BCL11B: variants seen among roughly 807,000 people sequenced by gnomAD.
The protein encoded by BCL11B is BCL11 transcription factor B, also known as B-cell lymphoma/leukemia 11B.
Under a neutral mutation model 49.9 loss-of-function variants are expected in BCL11B, and 8 were observed. The ratio of observed to expected loss-of-function variants is 0.16; its 90% CI spans 0.09 to 0.29. The LOEUF is 0.29. Ranked by LOEUF, BCL11B falls within the 10% of genes least tolerant of loss-of-function variation. BCL11B has a pLI of 1.00. For synonymous variants in BCL11B, 739 were observed against 637.4 expected (o/e 1.16, Z -2.40); for missense variants, 1,006 against 1,351.0 (o/e 0.74, Z 4.00).
At position 99,241,167 on chromosome 14, in the gene BCL11B, T is replaced by C. The variant is rs1335567643; in HGVS notation, c.428-9610A>G. Among the ~76,000 whole-genome samples, 2 of 152,110 alleles carry C rather than the reference T, an allele frequency of 1.3e-5. No homozygotes were observed. Among genetic ancestry groups the C allele is most frequent in the Non-Finnish European group, 2.9e-5 (2 of 68,010 alleles). Reference sequence around the variant, plus strand: ...CAGTATTTATATGCCACTTACTTGGTTTTGAAACTGTTTTTTTATTATTTT... The same window carrying C: ...CAGTATTTATATGCCACTTACTTGGCTTTGAAACTGTTTTTTTATTATTTT... On this transcript the variant is annotated intron_variant, in intron 2 of 3. Coordinates refer to ENST00000357195, the MANE Select transcript of BCL11B (RefSeq NM_138576.4). The surrounding 1 kb of genome is among the most constrained non-coding windows in gnomAD (Gnocchi z 4.4).
Position 99,192,001 on chromosome 14 carries a change from C to G in BCL11B, c.641-15806G>C. Among the ~76,000 whole-genome samples the G allele has an allele frequency of 6.6e-6, 1 of 152,058 alleles. No homozygotes were observed. Among genetic ancestry groups the G allele is most frequent in the Non-Finnish European group, 1.5e-5 (1 of 68,014 alleles). On this transcript the variant is annotated intron_variant, in intron 3 of 3. Transcript: ENST00000357195. This position sits in a 1 kb window ranked among gnomAD's most constrained non-coding sequence, Gnocchi z 4.0. Reference sequence around the variant, plus strand: ...AAGTGATTTTTTTAAAAAACACGATCCAGAGAGATTACATAAAAAGTACAA... The same window carrying G: ...AAGTGATTTTTTTAAAAAACACGATGCAGAGAGATTACATAAAAAGTACAA...
chr14:99,240,354 T>C (rs1206177615), intron 2 of BCL11B, among the ~76,000 whole-genome samples: 1 of 152,244 alleles, frequency 6.6e-6, no homozygotes, highest in East Asian at 1.9e-4. Context: ...ATTTTGTTTA[T>C]GACTAAATCT....
At chr14:99,244,506 C>T (rs1152790) in intron 2 of BCL11B, among the ~76,000 whole-genome samples, 86,840 of 152,018 alleles carry the variant, frequency 0.57, 25,467 homozygotes, top group East Asian at 0.83. Flanking sequence ...GAGTGCTGGA[C>T]TGTGATCTTT....
intron 3 of BCL11B, among the ~76,000 whole-genome samples, chr14:99,190,909 G>GGGC (rs1555377600): frequency 2.6e-5 from 4 of 151,976 alleles, no homozygotes; most frequent in African/African-American, 9.7e-5. Context: ...CGGCCACACG[G>GGGC]GGGGGGTCAC....
rs150119611 is a variant in BCL11B at position 99,271,456 on chromosome 14, AAG to A, written c.-240_-239del. ...TGCTGTTTTTTGTTTTGTTTGCAAA[AAG>A]AAAAAAAAGGGAAGAAAAGCAAGAA... On this transcript the variant is annotated 5_prime_UTR_variant, in exon 1 of 4. Coordinates refer to ENST00000357195, the MANE Select transcript of BCL11B (RefSeq NM_138576.4). 7.7e-3 allele frequency: 1,928 copies of A among 249,424 alleles called. 49 individuals are homozygous for A. The highest frequency in any genetic ancestry group is 0.04 in the African/African-American group (1,800 of 45,114). The allele number at this position is 249,424 out of a possible 1,614,324, so 15.5% of individuals were successfully genotyped here. A position where few individuals can be genotyped will look rare whatever the true frequency, so the allele number is the denominator to read the frequency against.
intron 3 of BCL11B, among the ~76,000 whole-genome samples, chr14:99,198,934 G>A (rs1437935844): frequency 3.3e-5 from 5 of 152,116 alleles, no homozygotes; most frequent in South Asian, 2.1e-4. Context: ...CCCCAGCCCC[G>A]TGACACACCA....
intron 3 of BCL11B, among the ~76,000 whole-genome samples, chr14:99,188,154 C>T (rs1886912009): frequency 6.6e-6 from 1 of 152,188 alleles, no homozygotes; most frequent in South Asian, 2.1e-4. Context: ...AAATTTGTCT[C>T]ATTTGTCTCT....
At chr14:99,196,613 T>C (rs1887186567) in intron 3 of BCL11B, among the ~76,000 whole-genome samples, 2 of 152,188 alleles carry the variant, frequency 1.3e-5, no homozygotes, top group Non-Finnish European at 2.9e-5. Context: ...GCAGCTGTCT[T>C]GACAGATGCC....
In BCL11B at chr14:99,175,106, G is replaced by C; in HGVS notation, c.1730C>G (p.Pro577Arg). The C allele has an allele frequency of 6.3e-7, 1 of 1,595,308 alleles. No individual in the cohort carries two copies. Residue 577 changes from proline to arginine, a missense_variant, in exon 4 of 4, where the codon CCG becomes CGG. Physicochemically the swap from Pro to Arg is moderately radical, Grantham distance 103 (BLOSUM62 -2). Transcript: ENST00000357195. ...CTTGGCCGCGCCGCCCCCCGCGCCC[G>C]GGACCCCGGGCACCCCACCACCGCC... Reference protein sequence around the residue: ...ENGGGGVPGVPGAGGGAAKAL... With the variant: ...ENGGGGVPGVRGAGGGAAKAL...
intron 3 of BCL11B, among the ~76,000 whole-genome samples, chr14:99,181,245 AAAGT>A (rs1260063145): frequency 3.9e-5 from 6 of 152,198 alleles, no homozygotes; most frequent in Non-Finnish European, 7.4e-5. Flanking sequence ...TTGGGGGGCT[AAAGT>A]AAGAACTGGA....
rs749659443 is a variant in BCL11B at position 99,242,515 on chromosome 14, C to A, written c.428-10958G>T. Among the ~76,000 whole-genome samples the A allele has an allele frequency of 3.3e-5, 5 of 152,194 alleles. No homozygotes were observed. Among genetic ancestry groups the A allele is most frequent in the Non-Finnish European group, 7.3e-5 (5 of 68,034 alleles). ...CTGCACCATCGCAGACTCCAGGTAT[C>A]TGCCGTTCCCCACTCCAGCCCCAGT... On this transcript the variant is annotated intron_variant, in intron 2 of 3. Coordinates refer to ENST00000357195, the MANE Select transcript of BCL11B (RefSeq NM_138576.4). This position sits in a 1 kb window ranked among gnomAD's most constrained non-coding sequence, Gnocchi z 4.4.
Position 99,257,988 on chromosome 14 carries a change from G to T in BCL11B, c.59-149C>A. ...CAGAGCTCACCAGGTCCTCCCCGGG[G>T]TTGGGGGCTGGTGAGCATCCCCCAC... On this transcript the variant is annotated intron_variant, in intron 1 of 3. Transcript: ENST00000357195. The surrounding 1 kb of genome is among the most constrained non-coding windows in gnomAD (Gnocchi z 6.2). The T allele has an allele frequency of 2.9e-6, 3 of 1,024,998 alleles. No homozygotes were observed. The highest frequency in any genetic ancestry group is 2.6e-5 in the South Asian group (1 of 38,818). 63.5% of individuals were successfully genotyped at this position (1,024,998 alleles called of 1,614,324 possible).
At chr14:99,191,694 GC>G (rs1230027266) in intron 3 of BCL11B, among the ~76,000 whole-genome samples, 2 of 151,214 alleles carry the variant, frequency 1.3e-5, no homozygotes, top group East Asian at 3.9e-4. Flanking sequence ...GCATTTGTCA[GC>G]ACCCCCCTGC....
Position 99,271,755 on chromosome 14 carries a change from AT to A in BCL11B, c.-538del, listed in dbSNP as rs546882897. 8.7e-3 allele frequency among the ~76,000 whole-genome samples: 1,321 copies of A among 151,444 alleles called. 17 individuals are homozygous for A. The highest frequency in any genetic ancestry group is 0.031 in the African/African-American group (1,256 of 40,808). ...AAAAAAAATGCAAACAAATAAAAAA[AT>A]AAAAGAAGAAAAAGCAAAGGAAAAA... is the stretch of plus-strand genomic sequence containing the variant. On this transcript the variant is annotated 5_prime_UTR_variant, in exon 1 of 4. Coordinates refer to ENST00000357195, the MANE Select transcript of BCL11B (RefSeq NM_138576.4).
chr14:99,217,268 G>A (rs1887870743), intron 3 of BCL11B, among the ~76,000 whole-genome samples: 11 of 151,452 alleles, frequency 7.3e-5, no homozygotes. Context: ...GCTGACATAT[G>A]CAAATACTCA....
rs1327683855 is a variant in BCL11B, at chr14:99,232,346, TG to T, written c.428-790del. 1.3e-5 allele frequency among the ~76,000 whole-genome samples: 2 copies of T among 152,210 alleles called. No homozygotes were observed. Among genetic ancestry groups the T allele is most frequent in the Non-Finnish European group, 2.9e-5 (2 of 68,046 alleles). On this transcript the variant is annotated intron_variant, in intron 2 of 3. Coordinates refer to ENST00000357195, the MANE Select transcript of BCL11B (RefSeq NM_138576.4). This position sits in a 1 kb window ranked among gnomAD's most constrained non-coding sequence, Gnocchi z 5.1. ...GCTCGCTCAGCTCCACAGCAAGGCC[TG>T]CATTTGATTTAGCCGTTTATCTTAA... is the stretch of plus-strand genomic sequence containing the variant.
chr14:99,249,926 G>A (rs890057233), intron 2 of BCL11B, among the ~76,000 whole-genome samples: 8 of 151,876 alleles, frequency 5.3e-5, no homozygotes, highest in Non-Finnish European at 8.8e-5. Context: ...ACAGGAGTTT[G>A]AGACCAGCCT....
chr14:99,209,063 T>C (rs1358033001), intron 3 of BCL11B, among the ~76,000 whole-genome samples: 3 of 152,074 alleles, frequency 2.0e-5, no homozygotes, highest in Non-Finnish European at 2.9e-5. Flanking sequence ...TACTAAAATG[T>C]GTCTAGGATA....
chr14:99,236,488 G>A (rs1888503303), intron 2 of BCL11B, among the ~76,000 whole-genome samples: 1 of 152,162 alleles, frequency 6.6e-6, no homozygotes, highest in Admixed American at 6.5e-5. Flanking sequence ...AGCCAGCACA[G>A]ACTTGAAACT....
Sources: allele counts gnomAD v4.1 joint callset (sites outside exome capture counted in the v4.1 genomes callset), GRCh38; gene constraint gnomAD v4.1.1; non-coding constraint Gnocchi (gnomAD v3.1); transcripts MANE v1.5; gene names NCBI Gene and HGNC (gene_info 2026-07-23, HGNC 2026-07-21).